WDR5B: variants seen among roughly 807,000 people sequenced by gnomAD.
WDR5B encodes the protein WD repeat domain 5B.
A neutral mutation model predicts 24.0 loss-of-function variants in WDR5B; 17 were observed. The observed-to-expected ratio is 0.71, with a 90% CI of 0.49 to 1.06. The LOEUF (loss-of-function observed/expected upper bound fraction) is 1.06, where lower values mean the gene tolerates loss of function less well. Ranked by LOEUF, WDR5B falls within the 50% of genes least tolerant of loss-of-function variation. WDR5B has a pLI of 0.00. For missense variants in WDR5B, 368 were observed against 384.1 expected (o/e 0.96, Z 0.35); for synonymous variants, 150 against 146.4 (o/e 1.02, Z -0.18).
rs564912560 is a variant in WDR5B at position 122,413,841 on chromosome 3, A to G, written c.*695T>C. 5 of 152,258 alleles carry G rather than the reference A, an allele frequency of 3.3e-5. No individual in the cohort carries two copies. The highest frequency in any genetic ancestry group is 7.3e-5 in the Non-Finnish European group (5 of 68,050). 9.4% of individuals were successfully genotyped at this position (152,258 alleles called of 1,614,324 possible). On this transcript the variant is annotated 3_prime_UTR_variant, in exon 1 of 1. Transcript: ENST00000330689. Reference sequence around the variant, plus strand: ...TATCGCAGCACTATTCGTAATAGCAAAGTTATGGAACCAACCTAAGGGTCC... The same window carrying G: ...TATCGCAGCACTATTCGTAATAGCAGAGTTATGGAACCAACCTAAGGGTCC...
In WDR5B at chr3:122,414,634, C is replaced by A. The variant is rs1276662384; in HGVS notation, c.895G>T (p.Val299Phe). 3 of 1,614,180 alleles carry A rather than the reference C, an allele frequency of 1.9e-6. No individual in the cohort carries two copies. The South Asian group carries it at 3.3e-5, about 18-fold the overall frequency. The change falls in exon 1 of 1, where the codon GTT (valine) becomes TTT (phenylalanine). Residue 299 changes from valine (V) to phenylalanine (F), a missense_variant. Coordinates refer to ENST00000330689, the MANE Select transcript of WDR5B (RefSeq NM_019069.4). ...GGATGACAAGCTGCTGAGATCACAACATCTGTATGGCCTTGTAATTTCTGC... is the reference window on the plus strand; with the variant it reads ...GGATGACAAGCTGCTGAGATCACAAAATCTGTATGGCCTTGTAATTTCTGC... ...IVQKLQGHTDVVISAACHPTE... is the reference protein window; with the variant it reads ...IVQKLQGHTDFVISAACHPTE...
chr3:122,414,250 G>C lies in WDR5B; in HGVS notation c.*286C>G, dbSNP rs974867431. The C allele has an allele frequency of 2.9e-5, 13 of 453,994 alleles. No individual in the cohort carries two copies. The Admixed American group carries it at 3.6e-4, about 13-fold the overall frequency. The allele number at this position is 453,994 out of a possible 1,614,324, so 28.1% of individuals were successfully genotyped here. A position where few individuals can be genotyped will look rare whatever the true frequency, so the allele number is the denominator to read the frequency against. ...GGTACAATGTATACTATTTGGGTGA[G>C]GGTATACTAAGCCCAGATTTCACCA... On this transcript the variant is annotated 3_prime_UTR_variant, in exon 1 of 1. Coordinates refer to ENST00000330689, the MANE Select transcript of WDR5B (RefSeq NM_019069.4).
Position 122,415,051 on chromosome 3 carries a change from G to A in WDR5B, c.478C>T (p.Leu160Phe), listed in dbSNP as rs569481139. Residue 160 changes from leucine (L) to phenylalanine (F), a missense_variant, in exon 1 of 1, where the codon CTC becomes TTC. Leu to Phe is a conservative substitution (Grantham distance 22). Coordinates refer to ENST00000330689, the MANE Select transcript of WDR5B (RefSeq NM_019069.4). ...KIWEVKTGKC[L>F]KTLSAHSDPV... is the part of the protein sequence containing the mutation. The stretch of plus-strand genomic sequence containing the variant: ...TCAGAATGAGCAGACAAAGTCTTGA[G>A]ACACTTTCCTGTTTTCACCTCCCAT... The A allele has an allele frequency of 1.2e-6, 2 of 1,614,192 alleles. No individual in the cohort carries two copies. The highest frequency in any genetic ancestry group is 1.7e-5 in the Admixed American group (1 of 60,022).
chr3:122,412,336 G>A lies in WDR5B; in HGVS notation c.*2200C>T, dbSNP rs1178020725. On this transcript the variant is annotated 3_prime_UTR_variant, in exon 1 of 1. Transcript: ENST00000330689. ...GAATAAAGTTAATGTGTGAGGTTAC[G>A]GTTACTTTTTATTTTTAATCAACAT... 2.0e-5 allele frequency: 3 copies of A among 152,016 alleles called. No homozygotes were observed. Among genetic ancestry groups the A allele is most frequent in the Non-Finnish European group, 2.9e-5 (2 of 68,014 alleles). 9.4% of individuals were successfully genotyped at this position (152,016 alleles called of 1,614,324 possible). A position where few individuals can be genotyped will look rare whatever the true frequency, so the allele number is the denominator to read the frequency against.
At position 122,413,775 on chromosome 3, in the gene WDR5B, C is replaced by T. The variant is rs1460356999; in HGVS notation, c.*761G>A. The T allele has an allele frequency of 6.6e-6, 1 of 152,114 alleles. No homozygotes were observed. The highest frequency in any genetic ancestry group is 1.5e-5 in the Non-Finnish European group (1 of 68,018). 9.4% of individuals were successfully genotyped at this position (152,114 alleles called of 1,614,324 possible). A position where few individuals can be genotyped will look rare whatever the true frequency, so the allele number is the denominator to read the frequency against. Reference sequence around the variant, plus strand: ...CAAAGGAAATTATATTTTAAAATCACCTGCACTGTTTATCGCAGCACTATT... The same window carrying T: ...CAAAGGAAATTATATTTTAAAATCATCTGCACTGTTTATCGCAGCACTATT... On this transcript the variant is annotated 3_prime_UTR_variant, in exon 1 of 1. Transcript: ENST00000330689.
rs2075730056 is a variant in WDR5B at position 122,415,417 on chromosome 3, C to A, written c.112G>T (p.Val38Leu). ...NPNYALKCTL[V>L]GHTEAVSSVK... is the part of the protein sequence containing the mutation. The stretch of plus-strand genomic sequence containing the variant: ...GATGACACTGCTTCCGTGTGTCCCA[C>A]AAGAGTACATTTGAGAGCATAGTTT... The change falls in exon 1 of 1, where the codon GTG becomes TTG. Residue 38 changes from valine (V) to leucine (L), a missense_variant. Physicochemically the swap from Val to Leu is conservative, Grantham distance 32. Transcript: ENST00000330689. 1.9e-6 allele frequency: 3 copies of A among 1,614,102 alleles called. No individual in the cohort carries two copies. The highest frequency in any genetic ancestry group is 1.7e-6 in the Non-Finnish European group (2 of 1,180,044).
Position 122,415,356 on chromosome 3 carries a change from C to G in WDR5B, c.173G>C (p.Ser58Thr). 1 of 1,614,252 alleles carries G rather than the reference C, an allele frequency of 6.2e-7. No homozygotes were observed. Among genetic ancestry groups the G allele is most frequent in the Non-Finnish European group, 8.5e-7 (1 of 1,180,048 alleles). Residue 58 changes from serine (S) to threonine (T), a missense_variant, in exon 1 of 1, where the codon AGT becomes ACT. Ser to Thr is a moderately conservative substitution (Grantham distance 58). Transcript: ENST00000330689. Reference sequence around the variant, plus strand: ...TATGATTAGCCTATCAGCAGAAGAACTTGCTAGCCATTCTCCATTAGGACT... The same window carrying G: ...TATGATTAGCCTATCAGCAGAAGAAGTTGCTAGCCATTCTCCATTAGGACT... Reference protein sequence around the residue: ...KFSPNGEWLASSSADRLIIIW... With the variant: ...KFSPNGEWLATSSADRLIIIW...
rs1252026359 is a variant in WDR5B, at chr3:122,414,871, G to C, written c.658C>G (p.Pro220Ala). ...NPPVSFVKFS[P>A]NGKYILTATL... The stretch of plus-strand genomic sequence containing the variant: ...GCAGTGAGAATGTATTTACCATTTG[G>C]AGAAAATTTTACAAAAGAGACAGGA... The change falls in exon 1 of 1, where the codon CCA becomes GCA. Residue 220 changes from proline (P) to alanine (A), a missense_variant. Pro to Ala is a conservative substitution (Grantham distance 27). Transcript: ENST00000330689. The C allele has an allele frequency of 1.2e-6, 2 of 1,614,028 alleles. No homozygotes were observed. Among genetic ancestry groups the C allele is most frequent in the East Asian group, 2.2e-5 (1 of 44,894 alleles).
rs1374023192 is a variant in WDR5B, at chr3:122,415,255, AC to A, written c.273del (p.Trp91CysfsTer17). 1 of 1,614,128 alleles carries A rather than the reference AC, an allele frequency of 6.2e-7. No individual in the cohort carries two copies. The highest frequency in any genetic ancestry group is 1.3e-5 in the African/African-American group (1 of 74,948). ...GAAACAAGACGACTGGAATCTGATG[AC>A]CAGGCAACATCCGATATTTCCAAAT... ...GHNLEISDVA[W>X]SSDSSRLVSA... On this transcript the variant is annotated frameshift_variant, in exon 1 of 1. Transcript: ENST00000330689. LOFTEE classifies it high-confidence loss of function.
In WDR5B at chr3:122,415,076, T is replaced by C. The variant is rs780105579; in HGVS notation, c.453A>G (p.Ile151Met). The change falls in exon 1 of 1, where the codon ATA becomes ATG. Residue 151 changes from isoleucine (I) to methionine (M), a missense_variant. Physicochemically the swap from Ile to Met is conservative, Grantham distance 10. Coordinates refer to ENST00000330689, the MANE Select transcript of WDR5B (RefSeq NM_019069.4). ...GACACTTTCCTGTTTTCACCTCCCA[T>C]ATTTTTACAGTCTCATCAAAAGATC... ...ISGSFDETVK[I>M]WEVKTGKCLK... is the part of the protein sequence containing the mutation. The C allele has an allele frequency of 1.2e-5, 19 of 1,614,178 alleles. No homozygotes were observed. The highest frequency in any genetic ancestry group is 3.3e-4 in the Middle Eastern group (2 of 6,062).
Position 122,415,124 on chromosome 3 carries a change from C to A in WDR5B, c.405G>T (p.Pro135=). The change falls in exon 1 of 1, where the codon CCG becomes CCT. Residue 135 remains proline, a synonymous_variant. Transcript: ENST00000330689. Reference sequence around the variant, plus strand: ...ATCCCGAGATTATAAGGTTGGATGGCGGATTGAAGTTACAACAAAAGACAT... The same window carrying A: ...ATCCCGAGATTATAAGGTTGGATGGAGGATTGAAGTTACAACAAAAGACAT... ...SNYVFCCNFN[P]PSNLIISGSF... The A allele has an allele frequency of 3.7e-6, 6 of 1,614,152 alleles. No homozygotes were observed. The highest frequency in any genetic ancestry group is 4.2e-6 in the Non-Finnish European group (5 of 1,180,026).
Position 122,415,592 on chromosome 3 carries a change from C to CCTG in WDR5B, c.-65_-64insCAG. ...CAGCCCTGAACCAGGCAGTCCAGTA[C>CCTG]TTTGGCTTTCTGCCCAGCAAAATGA... On this transcript the variant is annotated 5_prime_UTR_variant, in exon 1 of 1. Coordinates refer to ENST00000330689, the MANE Select transcript of WDR5B (RefSeq NM_019069.4). The CCTG allele has an allele frequency of 6.6e-7, 1 of 1,520,592 alleles. No individual in the cohort carries two copies. The highest frequency in any genetic ancestry group is 8.8e-7 in the Non-Finnish European group (1 of 1,136,474). The allele number at this position is 1,520,592 out of a possible 1,614,324, so 94.2% of individuals were successfully genotyped here.
Position 122,414,449 on chromosome 3 carries a change from C to T in WDR5B, c.*87G>A. ...TTAACAATAGACAATTTTTAAAATA[C>T]CAAACTGCCAAAATTAAAAGAAACC... On this transcript the variant is annotated 3_prime_UTR_variant, in exon 1 of 1. Coordinates refer to ENST00000330689, the MANE Select transcript of WDR5B (RefSeq NM_019069.4). 1 of 1,468,772 alleles carries T rather than the reference C, an allele frequency of 6.8e-7. No homozygotes were observed. Among genetic ancestry groups the T allele is most frequent in the Non-Finnish European group, 9.0e-7 (1 of 1,105,414 alleles). 91.0% of individuals were successfully genotyped at this position (1,468,772 alleles called of 1,614,324 possible). A position where few individuals can be genotyped will look rare whatever the true frequency, so the allele number is the denominator to read the frequency against.
In WDR5B at chr3:122,415,227, G is replaced by A. The variant is rs757468003; in HGVS notation, c.302C>T (p.Ala101Val). Residue 101 changes from alanine to valine, a missense_variant, in exon 1 of 1, where the codon GCC (alanine) becomes GTC (valine). Physicochemically the swap from Ala to Val is moderately conservative, Grantham distance 64. Coordinates refer to ENST00000330689, the MANE Select transcript of WDR5B (RefSeq NM_019069.4). ...WSSDSSRLVSASDDKTLKLWD... is the reference protein window; with the variant it reads ...WSSDSSRLVSVSDDKTLKLWD... ...TAATTTTAGAGTTTTATCATCTGAG[G>A]CAGAAACAAGACGACTGGAATCTGA... The A allele has an allele frequency of 1.9e-6, 3 of 1,614,192 alleles. No individual in the cohort carries two copies. The highest frequency in any genetic ancestry group is 3.3e-5 in the Admixed American group (2 of 60,020).
chr3:122,415,046 C>A lies in WDR5B; in HGVS notation c.483G>T (p.Lys161Asn). ...CTGGGTCAGAATGAGCAGACAAAGTCTTGAGACACTTTCCTGTTTTCACCT... is the reference window on the plus strand; with the variant it reads ...CTGGGTCAGAATGAGCAGACAAAGTATTGAGACACTTTCCTGTTTTCACCT... ...IWEVKTGKCLKTLSAHSDPVS... is the reference protein window; with the variant it reads ...IWEVKTGKCLNTLSAHSDPVS... Residue 161 changes from lysine to asparagine, a missense_variant, in exon 1 of 1, where the codon AAG (lysine) becomes AAT (asparagine). Physicochemically the swap from Lys to Asn is moderately conservative, Grantham distance 94 (BLOSUM62 0). Transcript: ENST00000330689. 1 of 1,614,192 alleles carries A rather than the reference C, an allele frequency of 6.2e-7. No homozygotes were observed. The highest frequency in any genetic ancestry group is 2.2e-5 in the East Asian group (1 of 44,878).
Position 122,414,884 on chromosome 3 carries a change from A to G in WDR5B, c.645T>C (p.Phe215=). The G allele has an allele frequency of 1.2e-6, 2 of 1,614,182 alleles. No homozygotes were observed. The highest frequency in any genetic ancestry group is 1.7e-6 in the Non-Finnish European group (2 of 1,180,010). Residue 215 remains phenylalanine (F), a synonymous_variant, in exon 1 of 1, where the codon TTT becomes TTC. Coordinates refer to ENST00000330689, the MANE Select transcript of WDR5B (RefSeq NM_019069.4). ...LVDDDNPPVS[F]VKFSPNGKYI... is the part of the protein sequence containing the mutation. Reference sequence around the variant, plus strand: ...ATTTACCATTTGGAGAAAATTTTACAAAAGAGACAGGAGGGTTATCGTCAT... The same window carrying G: ...ATTTACCATTTGGAGAAAATTTTACGAAAGAGACAGGAGGGTTATCGTCAT...
Position 122,415,644 on chromosome 3 carries a change from T to A in WDR5B, c.-116A>T. The A allele has an allele frequency of 7.3e-7, 1 of 1,362,322 alleles. No individual in the cohort carries two copies. Among genetic ancestry groups the A allele is most frequent in the Non-Finnish European group, 1.0e-6 (1 of 1,003,224 alleles). The allele number at this position is 1,362,322 out of a possible 1,614,324, so 84.4% of individuals were successfully genotyped here. A position where few individuals can be genotyped will look rare whatever the true frequency, so the allele number is the denominator to read the frequency against. On this transcript the variant is annotated 5_prime_UTR_variant, in exon 1 of 1. Transcript: ENST00000330689. ...GATAAACGCACAGGATTTTAAAATGTACAGTTTTGAAAGCTTAAAGTTTCT... is the reference window on the plus strand; with the variant it reads ...GATAAACGCACAGGATTTTAAAATGAACAGTTTTGAAAGCTTAAAGTTTCT...
rs2075727700 is a variant in WDR5B, at chr3:122,415,138, A to G, written c.391T>C (p.Cys131Arg). Residue 131 changes from cysteine (C) to arginine (R), a missense_variant, in exon 1 of 1, where the codon TGT (cysteine) becomes CGT (arginine). Cys to Arg is a radical substitution (Grantham distance 180). Coordinates refer to ENST00000330689, the MANE Select transcript of WDR5B (RefSeq NM_019069.4). ...LKGHSNYVFC[C>R]NFNPPSNLII... Reference sequence around the variant, plus strand: ...AGGTTGGATGGCGGATTGAAGTTACAACAAAAGACATAATTACTGTGCCCC... The same window carrying G: ...AGGTTGGATGGCGGATTGAAGTTACGACAAAAGACATAATTACTGTGCCCC... 6.2e-7 allele frequency: 1 copy of G among 1,614,192 alleles called. No homozygotes were observed. Among genetic ancestry groups the G allele is most frequent in the Non-Finnish European group, 8.5e-7 (1 of 1,180,024 alleles).
At position 122,412,098 on chromosome 3, in the gene WDR5B, C is replaced by T. The variant is rs1166582093; in HGVS notation, c.*2438G>A. On this transcript the variant is annotated 3_prime_UTR_variant, in exon 1 of 1. Transcript: ENST00000330689. Reference sequence around the variant, plus strand: ...AGTAACTCTGATATCTCATAGTCCTCAGATTTATCAAGCAAACGAAACTGA... The same window carrying T: ...AGTAACTCTGATATCTCATAGTCCTTAGATTTATCAAGCAAACGAAACTGA... 4 of 152,184 alleles carry T rather than the reference C, an allele frequency of 2.6e-5. No individual in the cohort carries two copies. Among genetic ancestry groups the T allele is most frequent in the Non-Finnish European group, 1.5e-5 (1 of 68,034 alleles). 9.4% of individuals were successfully genotyped at this position (152,184 alleles called of 1,614,324 possible).
Sources: allele counts gnomAD v4.1 joint callset, GRCh38; gene constraint gnomAD v4.1.1; transcripts MANE v1.5; gene names NCBI Gene and HGNC (gene_info 2026-07-23, HGNC 2026-07-21).